NT5DC3: variants seen among roughly 807,000 people sequenced by gnomAD.
The protein encoded by NT5DC3 is 5'-nucleotidase domain containing 3.
In NT5DC3, 42 loss-of-function variants were observed where a neutral mutation model predicts 67.8. The observed-to-expected ratio is 0.62, with a 90% CI of 0.48 to 0.80. NT5DC3 has a LOEUF of 0.80. Among genes scored for constraint, NT5DC3 ranks in the 30% least tolerant of loss-of-function variants. The pLI is 0.00. For missense variants in NT5DC3, 570 were observed against 696.4 expected (o/e 0.82, Z 2.04); for synonymous variants, 237 against 255.6 (o/e 0.93, Z 0.69).
chr12:103,839,018 C>A (rs367914596), intron 1 of NT5DC3, among the ~76,000 whole-genome samples: 18 of 152,278 alleles, frequency 1.2e-4, no homozygotes, highest in African/African-American at 4.3e-4. Context: ...TTATGAGGAA[C>A]TGTTCAGTCC....
At position 103,777,702 on chromosome 12, in the gene NT5DC3, G is replaced by C. The variant is rs1885388250; in HGVS notation, c.*127C>G. The C allele has an allele frequency of 9.1e-7, 1 of 1,102,680 alleles. No homozygotes were observed. The highest frequency in any genetic ancestry group is 2.4e-5 in the Admixed American group (1 of 42,502). The allele number at this position is 1,102,680 out of a possible 1,614,324, so 68.3% of individuals were successfully genotyped here. A position where few individuals can be genotyped will look rare whatever the true frequency, so the allele number is the denominator to read the frequency against. ...CCATTGGGAGAATTATTCTCCGTAA[G>C]GTACAAAATAAATATCAAAAGGCTT... is the stretch of plus-strand genomic sequence containing the variant. On this transcript the variant is annotated 3_prime_UTR_variant, in exon 14 of 14. Transcript: ENST00000392876.
At chr12:103,840,694 A>C (rs1240658434) in intron 1 of NT5DC3, among the ~76,000 whole-genome samples, 1 of 151,928 alleles carries the variant, frequency 6.6e-6, no homozygotes, top group Non-Finnish European at 1.5e-5. Context: ...TAAAAATCCC[A>C]AGAATATATA....
rs200767349 is a variant in NT5DC3 at position 103,777,987 on chromosome 12, C to T, written c.1489G>A (p.Ala497Thr). 7.1e-5 allele frequency: 115 copies of T among 1,614,158 alleles called. No individual in the cohort carries two copies. Among genetic ancestry groups the T allele is most frequent in the Non-Finnish European group, 9.2e-5 (108 of 1,180,040 alleles). Residue 497 changes from alanine (A) to threonine (T), a missense_variant, in exon 14 of 14, where the codon GCT (alanine) becomes ACT (threonine). Ala to Thr is a moderately conservative substitution (Grantham distance 58). Coordinates refer to ENST00000392876, the MANE Select transcript of NT5DC3 (RefSeq NM_001031701.3). ...TYFLRRLSRF[A>T]DIYMASLSCL... is the part of the protein sequence containing the mutation. ...CTCAGAGACGCCATGTAGATGTCAG[C>T]GAAGCGCGACAGGCGCCTTAGGAAG...
At chr12:103,780,138 A>G (rs542579386) in intron 13 of NT5DC3, among the ~76,000 whole-genome samples, 162 bp downstream of exon 13, 27 of 152,242 alleles carry the variant, frequency 1.8e-4, no homozygotes, top group Non-Finnish European at 3.5e-4. Context: ...TGTTACCAAC[A>G]GCAGGTAGCT....
chr12:103,767,936 A>G (rs1312758636), downstream of NT5DC3, among the ~76,000 whole-genome samples: 1 of 151,582 alleles, frequency 6.6e-6, no homozygotes, highest in South Asian at 2.1e-4. Context: ...CAAAAAAAAA[A>G]TAATAGCTGG....
At chr12:103,760,640 G>T in the NT5DC3 span, among the ~76,000 whole-genome samples, 272 of 152,300 alleles carry the variant, frequency 1.8e-3, 1 homozygote, top group African/African-American at 6.3e-3. Context: ...GGAGATGACC[G>T]TGGGGGTAGC....
At chr12:103,748,187 G>T in the NT5DC3 span, among the ~76,000 whole-genome samples, 1 of 152,144 alleles carries the variant, frequency 6.6e-6, no homozygotes. Context: ...CATTCCAGAA[G>T]TGAGTCAGCA....
At chr12:103,760,478 C>T in the NT5DC3 span, among the ~76,000 whole-genome samples, 1 of 152,180 alleles carries the variant, frequency 6.6e-6, no homozygotes, top group African/African-American at 2.4e-5. Context: ...CCAGGCTGGT[C>T]TTGAACTCCT....
chr12:103,770,373 T>C (rs1885153756), downstream of NT5DC3: 1 of 152,168 alleles, frequency 6.6e-6, no homozygotes, highest in Non-Finnish European at 1.5e-5. Flanking sequence ...ATGAAGACAA[T>C]TATAATTGCT....
At chr12:103,751,289 A>T in the NT5DC3 span, among the ~76,000 whole-genome samples, 1 of 152,142 alleles carries the variant, frequency 6.6e-6, no homozygotes. Context: ...CATGGCCAGG[A>T]GAGAATGATC....
chr12:103,766,419 G>C, downstream of NT5DC3: 1 of 1,491,626 alleles, frequency 6.7e-7, no homozygotes, highest in Non-Finnish European at 9.1e-7. Flanking sequence ...TGCCTTTTAG[G>C]AACGTAAAGT....
intron 2 of NT5DC3, among the ~76,000 whole-genome samples, chr12:103,813,500 C>T (rs999717834): frequency 5.3e-5 from 8 of 152,302 alleles, no homozygotes; most frequent in African/African-American, 1.7e-4. Flanking sequence ...AAATGAGCTG[C>T]TTAAATCCAC....
In NT5DC3 at chr12:103,837,314, A is replaced by G. The variant is rs1017834613; in HGVS notation, c.208+3635T>C. 7.9e-5 allele frequency among the ~76,000 whole-genome samples: 12 copies of G among 152,342 alleles called. 1 individual carries two copies. Among genetic ancestry groups the G allele is most frequent in the East Asian group, 1.9e-4 (1 of 5,182 alleles). ...CTGGGCCTCCAAGCATGTAATGGGA[A>G]AGACTGCCATGAAGGTCTCTGACAT... is the stretch of plus-strand genomic sequence containing the variant. On this transcript the variant is annotated intron_variant, in intron 1 of 13. Coordinates refer to ENST00000392876, the MANE Select transcript of NT5DC3 (RefSeq NM_001031701.3).
At chr12:103,747,811 A>G in the NT5DC3 span, among the ~76,000 whole-genome samples, 2 of 152,116 alleles carry the variant, frequency 1.3e-5, no homozygotes, top group Non-Finnish European at 2.9e-5. Flanking sequence ...CCTGGCCAAC[A>G]TGGTGAAACC....
At chr12:103,810,927 C>T (rs1388368604) in intron 2 of NT5DC3, among the ~76,000 whole-genome samples, 4 of 152,186 alleles carry the variant, frequency 2.6e-5, no homozygotes, top group Admixed American at 2.0e-4. Flanking sequence ...GCCTAAATTA[C>T]GCATCTAATT....
chr12:103,801,751 A>T lies in NT5DC3; in HGVS notation c.525-3074T>A, dbSNP rs569141829. On this transcript the variant is annotated intron_variant, in intron 4 of 13. Coordinates refer to ENST00000392876, the MANE Select transcript of NT5DC3 (RefSeq NM_001031701.3). ...AAGGCTGTTTTTGTCTCCATCAGACATCCTCCTGCCCTGTAATACTCTTCT... is the reference window on the plus strand; with the variant it reads ...AAGGCTGTTTTTGTCTCCATCAGACTTCCTCCTGCCCTGTAATACTCTTCT... Among the ~76,000 whole-genome samples, 4 of 152,258 alleles carry T rather than the reference A, an allele frequency of 2.6e-5. No homozygotes were observed. The East Asian group carries it at 7.7e-4, about 29-fold the overall frequency.
At chr12:103,818,647 G>T (rs1309748140) in intron 1 of NT5DC3, among the ~76,000 whole-genome samples, 4 of 152,166 alleles carry the variant, frequency 2.6e-5, no homozygotes, top group African/African-American at 9.6e-5. Flanking sequence ...AAGTGCTGGG[G>T]TTACCAGCGT....
chr12:103,826,695 T>C (rs900453848), intron 1 of NT5DC3, among the ~76,000 whole-genome samples: 3 of 152,232 alleles, frequency 2.0e-5, no homozygotes, highest in Non-Finnish European at 2.9e-5. Context: ...TTTGTGGTAA[T>C]TTGTTACAGA....
chr12:103,799,161 C>A (rs1049219267), intron 4 of NT5DC3, among the ~76,000 whole-genome samples: 2 of 152,196 alleles, frequency 1.3e-5, no homozygotes, highest in Non-Finnish European at 2.9e-5. Flanking sequence ...TTGGGGTGGG[C>A]TGGCTTTTGT....
Sources: gnomAD v4.1 joint callset for allele counts (sites outside exome capture counted in the v4.1 genomes callset) on GRCh38, gnomAD v4.1.1 for gene constraint, MANE v1.5 for transcripts, NCBI Gene and HGNC (gene_info 2026-07-23, HGNC 2026-07-21) for gene names.